The following MOB3B variants were observed in gnomAD, a reference collection of about 807,000 sequenced individuals.
The protein encoded by MOB3B is MOB kinase activator-like 2B.
Under a neutral mutation model 18.7 loss-of-function variants are expected in MOB3B, and 7 were observed. That is an observed-to-expected ratio of 0.37 (90% CI 0.21 to 0.70). The LOEUF is 0.70. Ranked by LOEUF, MOB3B falls within the 30% of genes least tolerant of loss-of-function variation. The probability of loss-of-function intolerance (pLI) is 0.52; values close to 1 mark genes in which losing one functional copy is unlikely to be tolerated. For synonymous variants in MOB3B, 111 were observed against 99.9 expected, an observed-to-expected ratio of 1.11 and a Z score of -0.66; for missense variants, 253 against 281.3, an observed-to-expected ratio of 0.90 and a Z score of 0.72.
intron 3 of MOB3B, among the ~76,000 whole-genome samples, chr9:27,355,586 G>T (rs1821178178): frequency 6.9e-6 from 1 of 144,148 alleles, no homozygotes; most frequent in African/African-American, 2.6e-5. Context: ...TTGAGACGGA[G>T]TCTCGCTCTT....
At chr9:27,480,774 A>G (rs1000702974) in intron 1 of MOB3B, among the ~76,000 whole-genome samples, 6 of 152,172 alleles carry the variant, frequency 3.9e-5, no homozygotes, top group African/African-American at 9.7e-5. Context: ...GGAAAGGGGG[A>G]AAAAGAATAC....
chr9:27,458,958 AC>A (rs1373134257), intron 1 of MOB3B, among the ~76,000 whole-genome samples: 1 of 152,068 alleles, frequency 6.6e-6, no homozygotes, highest in Non-Finnish European at 1.5e-5. Flanking sequence ...TTTAGGTCAA[AC>A]TTTTGAATCT....
chr9:27,488,245 A>G (rs575548309), intron 1 of MOB3B, among the ~76,000 whole-genome samples: 1 of 152,178 alleles, frequency 6.6e-6, no homozygotes, highest in Non-Finnish European at 1.5e-5. Context: ...TTTAGCTCTA[A>G]CTTGTGAAAA....
At chr9:27,415,485 G>A (rs959473749) in intron 2 of MOB3B, among the ~76,000 whole-genome samples, 1 of 151,792 alleles carries the variant, frequency 6.6e-6, no homozygotes, top group Admixed American at 6.6e-5. Context: ...AGAAAAAATA[G>A]GAATTGGAGT....
At chr9:27,443,549 C>CA (rs1822628057) in intron 2 of MOB3B, among the ~76,000 whole-genome samples, 1 of 152,148 alleles carries the variant, frequency 6.6e-6, no homozygotes. Context: ...CCATATTTGC[C>CA]ATCTTCCCTT....
rs149013067 is a variant in MOB3B at position 27,359,203 on chromosome 9, C to T, written c.452G>A (p.Cys151Tyr). Residue 151 changes from cysteine (C) to tyrosine (Y), a missense_variant, in exon 3 of 4, where the codon TGC (cysteine) becomes TAC (tyrosine). Physicochemically the swap from Cys to Tyr is radical, Grantham distance 194. Transcript: ENST00000262244. ...GAAAAGGCGGCACAGGATCTTCTTG[C>T]AGATCTGAAGGAAGTTCTTTGGGAA... ...VPFPKNFLQI[C>Y]KKILCRLFRV... 1.5e-5 allele frequency: 24 copies of T among 1,613,968 alleles called. No individual in the cohort carries two copies. Among genetic ancestry groups the T allele is most frequent in the Non-Finnish European group, 2.0e-5 (24 of 1,180,020 alleles).
intron 3 of MOB3B, among the ~76,000 whole-genome samples, chr9:27,348,200 G>T (rs16911436): frequency 0.059 from 8,994 of 152,132 alleles, 476 homozygotes; most frequent in African/African-American, 0.14. Context: ...ACTTTGGAGA[G>T]GTAGCAGACT....
intron 3 of MOB3B, among the ~76,000 whole-genome samples, chr9:27,351,132 A>C (rs1168621074): frequency 1.3e-5 from 2 of 151,928 alleles, no homozygotes; most frequent in African/African-American, 4.8e-5. Flanking sequence ...GGAACTCCTG[A>C]CCTCAGGTGA....
chr9:27,336,427 G>C (rs1820864168), intron 3 of MOB3B, among the ~76,000 whole-genome samples: 1 of 152,050 alleles, frequency 6.6e-6, no homozygotes, highest in Non-Finnish European at 1.5e-5. Flanking sequence ...GAAAGGGGGA[G>C]GAAGAAATAC....
intron 1 of MOB3B, among the ~76,000 whole-genome samples, chr9:27,483,447 T>C (rs1216671420): frequency 6.6e-6 from 1 of 152,232 alleles, no homozygotes; most frequent in Non-Finnish European, 1.5e-5. Flanking sequence ...ATGGTACTTC[T>C]TTCATTGTTA....
chr9:27,473,645 G>A (rs1410623237), intron 1 of MOB3B, among the ~76,000 whole-genome samples: 2 of 152,104 alleles, frequency 1.3e-5, no homozygotes, highest in Non-Finnish European at 2.9e-5. Context: ...CCCAAACAGG[G>A]GATGTTGGTG....
At chr9:27,340,989 G>C (rs1820932523) in intron 3 of MOB3B, among the ~76,000 whole-genome samples, 1 of 152,232 alleles carries the variant, frequency 6.6e-6, no homozygotes, top group African/African-American at 2.4e-5. Flanking sequence ...CACCCGCTTT[G>C]AGGAATGAAA....
At chr9:27,385,309 A>G (rs1352264228) in intron 2 of MOB3B, among the ~76,000 whole-genome samples, 2 of 152,180 alleles carry the variant, frequency 1.3e-5, no homozygotes, top group Admixed American at 1.3e-4. Flanking sequence ...CCTGATCAAC[A>G]ATTTATTGAG....
chr9:27,336,938 C>T (rs552480002), intron 3 of MOB3B, among the ~76,000 whole-genome samples: 2 of 152,290 alleles, frequency 1.3e-5, no homozygotes, highest in South Asian at 4.1e-4. Flanking sequence ...CTGCGAGTCC[C>T]CCGGAAAAGG....
At chr9:27,377,364 A>G (rs1040795240) in intron 2 of MOB3B, among the ~76,000 whole-genome samples, 5 of 152,196 alleles carry the variant, frequency 3.3e-5, no homozygotes, top group African/African-American at 7.2e-5. Context: ...ACGATGAGTC[A>G]TTCTCTCAGG....
At chr9:27,381,587 T>C (rs1249392569) in intron 2 of MOB3B, among the ~76,000 whole-genome samples, 1 of 152,184 alleles carries the variant, frequency 6.6e-6, no homozygotes, top group Non-Finnish European at 1.5e-5. Flanking sequence ...GCTGGGCCCT[T>C]TGTGGCACTG....
chr9:27,356,130 G>T (rs1025082244), intron 3 of MOB3B, among the ~76,000 whole-genome samples: 1 of 151,950 alleles, frequency 6.6e-6, no homozygotes, highest in Admixed American at 6.6e-5. Flanking sequence ...TCCTTTATAG[G>T]GTTTGGTTAG....
At chr9:27,385,098 C>A (rs919072645) in intron 2 of MOB3B, among the ~76,000 whole-genome samples, 2 of 152,120 alleles carry the variant, frequency 1.3e-5, no homozygotes, top group Non-Finnish European at 2.9e-5. Context: ...TGCTACAGGG[C>A]AGGAAGCAGG....
chr9:27,463,323 A>G (rs540636855), intron 1 of MOB3B, among the ~76,000 whole-genome samples: 1 of 152,316 alleles, frequency 6.6e-6, no homozygotes, highest in South Asian at 2.1e-4. Context: ...AAACTGAGAC[A>G]CAGTGAGATT....
Sources: allele counts gnomAD v4.1 joint callset (sites outside exome capture counted in the v4.1 genomes callset), GRCh38; gene constraint gnomAD v4.1.1; transcripts MANE v1.5; gene names NCBI Gene and HGNC (gene_info 2026-07-23, HGNC 2026-07-21).